Variants in ZNF804A observed in about 807,000 individuals in gnomAD.
ZNF804A encodes the protein zinc finger protein 804A.
Under a neutral mutation model 16.5 loss-of-function variants are expected in ZNF804A, and 2 were observed. The ratio of observed to expected loss-of-function variants is 0.12; its 90% CI spans 0.05 to 0.38. The LOEUF is 0.38. ZNF804A is among the 10% of genes least tolerant of loss of function. The probability of loss-of-function intolerance (pLI) is 0.99; values close to 1 mark genes in which losing one functional copy is unlikely to be tolerated. For synonymous variants in ZNF804A, 534 were observed against 489.6 expected, an observed-to-expected ratio of 1.09 and a Z score of -1.20; for missense variants, 1,473 against 1,390.7, an observed-to-expected ratio of 1.06 and a Z score of -0.94.
At chr2:184,600,046 T>C (rs1691021720) in intron 1 of ZNF804A, among the ~76,000 whole-genome samples, 1 of 152,302 alleles carries the variant, frequency 6.6e-6, no homozygotes, top group Middle Eastern at 3.4e-3. Flanking sequence ...TATGATTCAC[T>C]GAAGTCCATG....
intron 1 of ZNF804A, among the ~76,000 whole-genome samples, chr2:184,767,806 AAAC>A (rs1694153150): frequency 6.6e-6 from 1 of 152,178 alleles, no homozygotes. Flanking sequence ...TCAAAGGGAA[AAAC>A]AACATGAATA....
At chr2:184,846,057 G>T (rs543672461) in intron 1 of ZNF804A, among the ~76,000 whole-genome samples, 43 of 152,204 alleles carry the variant, frequency 2.8e-4, no homozygotes, top group African/African-American at 9.4e-4. Flanking sequence ...AGGTTTCATA[G>T]ATTTTCTTTT....
intron 1 of ZNF804A, among the ~76,000 whole-genome samples, chr2:184,643,688 G>A (rs1315362960): frequency 1.3e-5 from 2 of 151,362 alleles, no homozygotes; most frequent in African/African-American, 4.8e-5. Context: ...AAATGCTCTT[G>A]CAATTTTTGT....
intron 1 of ZNF804A, among the ~76,000 whole-genome samples, chr2:184,717,696 A>G (rs559508986): frequency 7.7e-4 from 118 of 152,346 alleles, no homozygotes; most frequent in African/African-American, 2.7e-3. Flanking sequence ...TTATTGAGAC[A>G]TAATATTTGT....
At position 184,599,084 on chromosome 2, in the gene ZNF804A, T is replaced by A. The variant is rs1691005276; in HGVS notation, c.111+14T>A. On this transcript the variant is annotated intron_variant, in intron 1 of 3. Transcript: ENST00000302277. ...AACAAAACTCTGGTAATCGCTTCTGTTTTCCTCTCTCTCTCTCTCATATTT... is the reference window on the plus strand; with the variant it reads ...AACAAAACTCTGGTAATCGCTTCTGATTTCCTCTCTCTCTCTCTCATATTT... 1 of 1,550,310 alleles carries A rather than the reference T, an allele frequency of 6.5e-7. No individual in the cohort carries two copies. The highest frequency in any genetic ancestry group is 1.1e-5 in the South Asian group (1 of 89,430).
chr2:184,760,667 A>T (rs1409341154), intron 1 of ZNF804A, among the ~76,000 whole-genome samples: 1 of 151,446 alleles, frequency 6.6e-6, no homozygotes, highest in Non-Finnish European at 1.5e-5. Context: ...GAAGAAGGAG[A>T]CTACAGACAC....
chr2:184,783,145 T>TTTG lies in ZNF804A; in HGVS notation c.112-83222_112-83221insGTT, dbSNP rs1553478124. Among the ~76,000 whole-genome samples, 43 of 137,732 alleles carry TTTG rather than the reference T, an allele frequency of 3.1e-4. 1 individual carries two copies. The highest frequency in any genetic ancestry group is 1.8e-3 in the Admixed American group (24 of 13,510). 90.4% of individuals were successfully genotyped at this position (137,732 alleles called of 152,430 possible). On this transcript the variant is annotated intron_variant, in intron 1 of 3. Transcript: ENST00000302277. ...AATTATATAAAAGAGTGAGTTTTTT[T>TTTG]TTTTTTTTTTTTTTTTTTAGGTAAT...
chr2:184,817,449 GAA>G (rs1190165351), intron 1 of ZNF804A, among the ~76,000 whole-genome samples: 1 of 151,916 alleles, frequency 6.6e-6, no homozygotes, highest in East Asian at 1.9e-4. Context: ...ACAAGGATAA[GAA>G]AGAATCAATG....
At position 184,855,302 on chromosome 2, in the gene ZNF804A, T is replaced by C. The variant is rs1695668970; in HGVS notation, c.112-11067T>C. ...ATATCCTACCAGTACATTATTGCCT[T>C]AACAAAAAAGGCATAAATCACCAAG... On this transcript the variant is annotated intron_variant, in intron 1 of 3. Transcript: ENST00000302277. 2.0e-5 allele frequency among the ~76,000 whole-genome samples: 3 copies of C among 152,184 alleles called. No individual in the cohort carries two copies. In the South Asian group the frequency reaches 6.2e-4, roughly 32 times the overall value.
Position 184,936,136 on chromosome 2 carries a change from G to T in ZNF804A, c.740G>T (p.Ser247Ile). ...GATGCCTCAGTGGGAAAAGGATTTAGCAGAAAAAGTAGATTTGTCCCCAGT... is the reference window on the plus strand; with the variant it reads ...GATGCCTCAGTGGGAAAAGGATTTATCAGAAAAAGTAGATTTGTCCCCAGT... ...SDDASVGKGF[S>I]RKSRFVPSAC... is the part of the protein sequence containing the mutation. The change falls in exon 4 of 4, where the codon AGC becomes ATC. Residue 247 changes from serine to isoleucine, a missense_variant. Coordinates refer to ENST00000302277, the MANE Select transcript of ZNF804A (RefSeq NM_194250.2). The T allele has an allele frequency of 6.2e-7, 1 of 1,614,022 alleles. No individual in the cohort carries two copies. Among genetic ancestry groups the T allele is most frequent in the Non-Finnish European group, 8.5e-7 (1 of 1,179,958 alleles).
chr2:184,601,699 T>A (rs938034538), intron 1 of ZNF804A, among the ~76,000 whole-genome samples: 7 of 152,064 alleles, frequency 4.6e-5, no homozygotes, highest in Non-Finnish European at 8.8e-5. Flanking sequence ...ATTTTTGTAT[T>A]TTGAATCGTG....
At chr2:184,619,214 A>G (rs1691379394) in intron 1 of ZNF804A, among the ~76,000 whole-genome samples, 1 of 152,124 alleles carries the variant, frequency 6.6e-6, no homozygotes, top group Non-Finnish European at 1.5e-5. Flanking sequence ...GTAAAGATAT[A>G]TAGTGATAAA....
intron 2 of ZNF804A, among the ~76,000 whole-genome samples, chr2:184,874,985 A>G (rs527866997): frequency 5.3e-4 from 81 of 152,338 alleles, no homozygotes; most frequent in African/African-American, 1.7e-3. Context: ...TATTTTAAGG[A>G]TAACTATACA....
intron 2 of ZNF804A, among the ~76,000 whole-genome samples, chr2:184,903,454 TA>T (rs1685217580): frequency 6.6e-6 from 1 of 152,120 alleles, no homozygotes; most frequent in Admixed American, 6.6e-5. Flanking sequence ...CTAGGAGCAA[TA>T]GGCTATACCA....
intron 1 of ZNF804A, among the ~76,000 whole-genome samples, chr2:184,809,418 A>T (rs1694858747): frequency 6.6e-6 from 1 of 151,864 alleles, no homozygotes. Flanking sequence ...AAAGAAAAGT[A>T]TTCTGGATTG....
chr2:184,651,640 C>T (rs1691985673), intron 1 of ZNF804A, among the ~76,000 whole-genome samples: 1 of 152,016 alleles, frequency 6.6e-6, no homozygotes, highest in African/African-American at 2.4e-5. Context: ...AAAATAGGAA[C>T]AGACACTACT....
chr2:184,848,571 G>A (rs1695556877), intron 1 of ZNF804A, among the ~76,000 whole-genome samples: 1 of 152,036 alleles, frequency 6.6e-6, no homozygotes, highest in Admixed American at 6.6e-5. Context: ...GAACAAGTGT[G>A]TTATGCAAAC....
chr2:184,687,603 G>A (rs1692658120), intron 1 of ZNF804A, among the ~76,000 whole-genome samples: 2 of 152,218 alleles, frequency 1.3e-5, no homozygotes, highest in Admixed American at 1.3e-4. Context: ...AGACATTACT[G>A]ATGGCTGAGA....
At chr2:184,900,897 T>C (rs1298220619) in intron 2 of ZNF804A, among the ~76,000 whole-genome samples, 2 of 152,190 alleles carry the variant, frequency 1.3e-5, no homozygotes, top group African/African-American at 4.8e-5. Flanking sequence ...TTTTAACTCT[T>C]TGTTAATGAC....
Sources: gnomAD v4.1 joint callset for allele counts (sites outside exome capture counted in the v4.1 genomes callset) on GRCh38, gnomAD v4.1.1 for gene constraint, MANE v1.5 for transcripts, NCBI Gene and HGNC (gene_info 2026-07-23, HGNC 2026-07-21) for gene names.